Variants in ALDH1L1 observed in about 807,000 individuals in gnomAD.
ALDH1L1 encodes the protein cytosolic 10-formyltetrahydrofolate dehydrogenase.
ALDH1L1 carries 68 observed loss-of-function variants against 101.1 expected under a neutral mutation model. That is an observed-to-expected ratio of 0.67 (90% CI 0.55 to 0.82). The LOEUF is 0.82. Among genes scored for constraint, ALDH1L1 ranks in the 40% least tolerant of loss-of-function variants. ALDH1L1 has a pLI of 0.00. For synonymous variants in ALDH1L1, 486 were observed against 470.8 expected (o/e 1.03, Z -0.42); for missense variants, 1,087 against 1,172.7 (o/e 0.93, Z 1.07).
intron 1 of ALDH1L1, among the ~76,000 whole-genome samples, chr3:126,186,698 G>C (rs187841249): frequency 1.6e-4 from 24 of 152,308 alleles, no homozygotes; most frequent in Non-Finnish European, 2.8e-4. Context: ...CAAGTCAGAG[G>C]TAGAGAGGCC....
upstream of ALDH1L1, among the ~76,000 whole-genome samples, chr3:126,183,488 G>A (rs1296638688): frequency 6.6e-6 from 1 of 152,130 alleles, no homozygotes; most frequent in Non-Finnish European, 1.5e-5. Flanking sequence ...GGATGACTTG[G>A]GGAATAGAAC....
chr3:126,109,378 C>T (rs983188502), intron 20 of ALDH1L1, among the ~76,000 whole-genome samples: 4 of 152,098 alleles, frequency 2.6e-5, no homozygotes, highest in Non-Finnish European at 5.9e-5. Context: ...ATTGCAATGA[C>T]CTTTGAGTTT....
chr3:126,193,104 A>G (rs1449714563), intron 1 of ALDH1L1, among the ~76,000 whole-genome samples: 1 of 152,178 alleles, frequency 6.6e-6, no homozygotes, highest in Admixed American at 6.5e-5. Flanking sequence ...TTAGGTTTTC[A>G]ATCTTGTCTA....
upstream of ALDH1L1, chr3:126,180,989 C>A (rs1227083776): frequency 1.9e-6 from 3 of 1,609,184 alleles, no homozygotes; most frequent in Admixed American, 1.7e-5. Flanking sequence ...CACAGCAGAG[C>A]GAAAGGAGAC....
chr3:126,131,315 C>T, intron 13 of ALDH1L1, 69 bp downstream of exon 13: 1 of 1,475,258 alleles, frequency 6.8e-7, no homozygotes, highest in Admixed American at 2.0e-5. Context: ...ACTGTGCTGC[C>T]CTTGGAGTTC....
At chr3:126,170,983 G>A (rs955704615) in intron 1 of ALDH1L1, among the ~76,000 whole-genome samples, 1 of 152,086 alleles carries the variant, frequency 6.6e-6, no homozygotes, top group African/African-American at 2.4e-5. Context: ...TTCCTTCAGG[G>A]GCACTAAGAC....
chr3:126,150,114 T>C (rs2080778679), intron 8 of ALDH1L1, among the ~76,000 whole-genome samples: 1 of 152,230 alleles, frequency 6.6e-6, no homozygotes, highest in Non-Finnish European at 1.5e-5. Context: ...GCTTGACACC[T>C]GACTCTTTCA....
chr3:126,161,007 A>G lies in ALDH1L1; in HGVS notation c.-23-5T>C. 2 of 1,614,002 alleles carry G rather than the reference A, an allele frequency of 1.2e-6. No homozygotes were observed. The highest frequency in any genetic ancestry group is 8.5e-7 in the Non-Finnish European group (1 of 1,179,940). The stretch of plus-strand genomic sequence containing the variant: ...TAGCAGGAGGGTTGGAAGGACCTGG[A>G]GAAGGAATAAGGCAGCAATTAGACA... On this transcript the variant is annotated splice_polypyrimidine_tract_variant and splice_region_variant and intron_variant, in intron 1 of 22. Transcript: ENST00000393434.
chr3:126,180,256 T>A (rs1186269334), intron 1 of ALDH1L1: 1 of 187,836 alleles, frequency 5.3e-6, no homozygotes, highest in African/African-American at 2.4e-5. Flanking sequence ...TCATTTAGCC[T>A]GATGACCCCT....
intron 5 of ALDH1L1, 112 bp from the exon 6 acceptor site, chr3:126,154,755 T>C: frequency 1.1e-6 from 1 of 936,866 alleles, no homozygotes; most frequent in East Asian, 2.5e-5. Context: ...AACCCCAGCT[T>C]CCTCTTAGAC....
intron 1 of ALDH1L1, among the ~76,000 whole-genome samples, chr3:126,187,572 TG>T (rs1244570785): frequency 6.6e-6 from 1 of 152,048 alleles, no homozygotes; most frequent in Non-Finnish European, 1.5e-5. Flanking sequence ...CAGTTTACAG[TG>T]GGGCGAAACT....
At position 126,158,543 on chromosome 3, in the gene ALDH1L1, G is replaced by T; in HGVS notation, c.224C>A (p.Ala75Asp). The change falls in exon 3 of 23, where the codon GCT becomes GAT. Residue 75 changes from alanine (A) to aspartate (D), a missense_variant. Physicochemically the swap from Ala to Asp is moderately radical, Grantham distance 126. This residue lies in a region of ALDH1L1 where 645 missense variants were observed against 637.0 expected (regional missense o/e 1.01). Transcript: ENST00000393434. Reference protein sequence around the residue: ...ALPDVVAKYQALGAELNVLPF... With the variant: ...ALPDVVAKYQDLGAELNVLPF... ...CAGGACGTTGAGCTCGGCCCCCAAAGCCTGGTATTTTGCCACCACATCAGG... is the reference window on the plus strand; with the variant it reads ...CAGGACGTTGAGCTCGGCCCCCAAATCCTGGTATTTTGCCACCACATCAGG... 1 of 1,614,212 alleles carries T rather than the reference G, an allele frequency of 6.2e-7. No individual in the cohort carries two copies. The highest frequency in any genetic ancestry group is 8.5e-7 in the Non-Finnish European group (1 of 1,180,026).
At position 126,155,423 on chromosome 3, in the gene ALDH1L1, A is replaced by C. The variant is rs2080884978; in HGVS notation, c.609T>G (p.Ile203Met). 6.2e-7 allele frequency: 1 copy of C among 1,612,706 alleles called. No homozygotes were observed. The highest frequency in any genetic ancestry group is 1.7e-5 in the Admixed American group (1 of 59,804). ...QPEEGATYEG[I>M]QKKETAKINW... ...TCACCTTGGCTGTCTCCTTCTTCTG[A>C]ATCCCCTCATAGGTGGCTCCTTCCT... The change falls in exon 5 of 23, where the codon ATT (isoleucine) becomes ATG (methionine). Residue 203 changes from isoleucine to methionine, a missense_variant. Ile to Met is a conservative substitution (Grantham distance 10, BLOSUM62 1). This residue lies in a region of ALDH1L1 where 645 missense variants were observed against 637.0 expected (regional missense o/e 1.01). Coordinates refer to ENST00000393434, the MANE Select transcript of ALDH1L1 (RefSeq NM_012190.4).
intron 4 of ALDH1L1, among the ~76,000 whole-genome samples, chr3:126,156,984 TGAAG>T (rs1231220938): frequency 6.6e-6 from 1 of 151,588 alleles, no homozygotes; most frequent in Admixed American, 6.6e-5. Context: ...AATCAACGAG[TGAAG>T]GAGAGAGAAA....
At chr3:126,135,341 C>T (rs1023645805) in intron 12 of ALDH1L1, 194 bp downstream of exon 12, 4 of 613,734 alleles carry the variant, frequency 6.5e-6, no homozygotes, top group African/African-American at 5.8e-5. Context: ...TTCTCATATC[C>T]CTTCCTCTGA....
chr3:126,139,754 G>A (rs2080527624), intron 9 of ALDH1L1, among the ~76,000 whole-genome samples: 1 of 152,226 alleles, frequency 6.6e-6, no homozygotes, highest in Admixed American at 6.5e-5. Flanking sequence ...TTCTTGAGCT[G>A]GCAAGTAGAA....
intron 19 of ALDH1L1, 64 bp from the exon 20 acceptor site, chr3:126,110,173 C>T (rs1946034685): frequency 1.3e-6 from 2 of 1,590,392 alleles, no homozygotes; most frequent in Admixed American, 3.4e-5. Context: ...ATGATCCTCA[C>T]CTGACTCAGC....
chr3:126,197,217 C>G lies in ALDH1L1; in HGVS notation c.-24+518G>C, dbSNP rs558426891. The stretch of plus-strand genomic sequence containing the variant: ...TACCACTGTAAGTTATCTTTAGTAA[C>G]GTTTCGCTGTTTCTGTAAGACTTTG... On this transcript the variant is annotated intron_variant, in intron 1 of 2. Coordinates refer to the ALDH1L1 transcript ENST00000509952. 2.6e-5 allele frequency among the ~76,000 whole-genome samples: 4 copies of G among 152,134 alleles called. No individual in the cohort carries two copies. The South Asian group carries it at 8.3e-4, about 32-fold the overall frequency.
intron 9 of ALDH1L1, among the ~76,000 whole-genome samples, chr3:126,139,120 G>T (rs1421430446): frequency 6.6e-6 from 1 of 152,262 alleles, no homozygotes; most frequent in East Asian, 1.9e-4. Context: ...CCAGCATTGT[G>T]TCCTGAGCAC....
Sources: gnomAD v4.1 joint callset for allele counts (sites outside exome capture counted in the v4.1 genomes callset) on GRCh38, gnomAD v4.1.1 for gene constraint, gnomAD v4.1.1 regional missense constraint, MANE v1.5 for transcripts, NCBI Gene and HGNC (gene_info 2026-07-23, HGNC 2026-07-21) for gene names.